The following SFMBT2 variants were observed in gnomAD, a reference collection of about 807,000 sequenced individuals.
SFMBT2 encodes Scm like with four mbt domains 2.
In SFMBT2, 38 loss-of-function variants were observed where a neutral mutation model predicts 110.1. That is an observed-to-expected ratio of 0.35 (90% CI 0.27 to 0.45). The LOEUF (loss-of-function observed/expected upper bound fraction) is 0.45. Among genes scored for constraint, SFMBT2 ranks in the 20% least tolerant of loss-of-function variants. The pLI is 1.00. For synonymous variants in SFMBT2, 425 were observed against 425.4 expected, an observed-to-expected ratio of 1.00 and a Z score of 0.01; for missense variants, 1,011 against 1,094.9, an observed-to-expected ratio of 0.92 and a Z score of 1.08.
intron 7 of SFMBT2, among the ~76,000 whole-genome samples, chr10:7,258,089 A>G (rs1841086777): frequency 6.6e-6 from 1 of 151,994 alleles, no homozygotes; most frequent in Non-Finnish European, 1.5e-5. Context: ...GCACCACCAT[A>G]CCTGGCTAAT....
At chr10:7,226,047 C>T (rs986546808) in intron 10 of SFMBT2, among the ~76,000 whole-genome samples, 6 of 152,184 alleles carry the variant, frequency 3.9e-5, no homozygotes, top group African/African-American at 1.4e-4. Context: ...ACACACCACT[C>T]GGTTCTTCAA....
Position 7,310,726 on chromosome 10 carries a change from T to A in SFMBT2, c.437-24772A>T, listed in dbSNP as rs115376830. Among the ~76,000 whole-genome samples the A allele has an allele frequency of 3.8e-3, 575 of 152,154 alleles. 2 individuals are homozygous for A. The highest frequency in any genetic ancestry group is 0.013 in the African/African-American group (544 of 41,530). On this transcript the variant is annotated intron_variant, in intron 4 of 20. Coordinates refer to ENST00000397167, the MANE Select transcript of SFMBT2 (RefSeq NM_001387889.1). ...AGCTCCATAGAGGAAACAGGCAGGTTTGAAAAAAAGGCTTCGTGTGCAAAA... is the reference window on the plus strand; with the variant it reads ...AGCTCCATAGAGGAAACAGGCAGGTATGAAAAAAAGGCTTCGTGTGCAAAA...
At chr10:7,325,925 T>TA (rs1405052481) in intron 4 of SFMBT2, among the ~76,000 whole-genome samples, 1 of 152,200 alleles carries the variant, frequency 6.6e-6, no homozygotes, top group Non-Finnish European at 1.5e-5. Flanking sequence ...ATAAATATGT[T>TA]AAAAATTAAA....
At chr10:7,184,913 T>C (rs1032291570) in intron 16 of SFMBT2, among the ~76,000 whole-genome samples, 17 of 152,286 alleles carry the variant, frequency 1.1e-4, no homozygotes, top group Non-Finnish European at 2.2e-4. Context: ...TCATCAGCAA[T>C]AGTGAGGTAC....
At chr10:7,375,491 A>C (rs971394452) in intron 2 of SFMBT2, among the ~76,000 whole-genome samples, 1 of 149,222 alleles carries the variant, frequency 6.7e-6, no homozygotes, top group Non-Finnish European at 1.5e-5. Context: ...AGACAGAAAG[A>C]AGACATTAAG....
Position 7,301,095 on chromosome 10 carries a change from A to G in SFMBT2, c.437-15141T>C, listed in dbSNP as rs114982095. ...AGGAGTAAACCCCAGATACCGTGGA[A>G]GCCCTGGCACCAGGGCCAGGATGCT... is the stretch of plus-strand genomic sequence containing the variant. On this transcript the variant is annotated intron_variant, in intron 4 of 20. Coordinates refer to ENST00000397167, the MANE Select transcript of SFMBT2 (RefSeq NM_001387889.1). This position sits in a 1 kb window ranked among gnomAD's most constrained non-coding sequence, Gnocchi z 4.2. Among the ~76,000 whole-genome samples, 421 of 152,336 alleles carry G rather than the reference A, an allele frequency of 2.8e-3. 3 individuals carry two copies. The highest frequency in any genetic ancestry group is 9.4e-3 in the African/African-American group (389 of 41,568).
In SFMBT2 at chr10:7,367,575, C is replaced by T; in HGVS notation, c.436+74G>A. On this transcript the variant is annotated intron_variant, in intron 4 of 20. Transcript: ENST00000397167. The surrounding 1 kb of genome is among the most constrained non-coding windows in gnomAD (Gnocchi z 6.2). The stretch of plus-strand genomic sequence containing the variant: ...TTAGGGATTCTACGCAAGGTTCTCT[C>T]TGCTCCTTGCAAAATTACAGGCGTC... 1 of 1,555,522 alleles carries T rather than the reference C, an allele frequency of 6.4e-7. No homozygotes were observed. Among genetic ancestry groups the T allele is most frequent in the Non-Finnish European group, 8.7e-7 (1 of 1,153,676 alleles).
chr10:7,231,201 C>T (rs1588365392), intron 9 of SFMBT2, among the ~76,000 whole-genome samples: 1 of 152,280 alleles, frequency 6.6e-6, no homozygotes, highest in South Asian at 2.1e-4. Flanking sequence ...ATCTCTGTAA[C>T]ACAATGATCC....
In SFMBT2 at chr10:7,381,945, A is replaced by C. The variant is rs747932294; in HGVS notation, c.-47T>G. Reference sequence around the variant, plus strand: ...TCTCTTAATTCATCCTGCAGAAAAAATTACCTAAGAGCAATCAAAAAAAAA... The same window carrying C: ...TCTCTTAATTCATCCTGCAGAAAAACTTACCTAAGAGCAATCAAAAAAAAA... On this transcript the variant is annotated 5_prime_UTR_variant, in exon 2 of 21. Coordinates refer to ENST00000397167, the MANE Select transcript of SFMBT2 (RefSeq NM_001387889.1). 2 of 1,518,724 alleles carry C rather than the reference A, an allele frequency of 1.3e-6. No individual in the cohort carries two copies. Among genetic ancestry groups the C allele is most frequent in the Non-Finnish European group, 1.8e-6 (2 of 1,124,794 alleles). The allele number at this position is 1,518,724 out of a possible 1,614,324, so 94.1% of individuals were successfully genotyped here.
At chr10:7,184,950 T>C (rs1351242791) in intron 16 of SFMBT2, among the ~76,000 whole-genome samples, 2 of 152,140 alleles carry the variant, frequency 1.3e-5, no homozygotes, top group Non-Finnish European at 2.9e-5. Context: ...AGAACAAAGC[T>C]TTCACTTCAT....
chr10:7,189,805 A>G (rs1374286945), intron 15 of SFMBT2, among the ~76,000 whole-genome samples: 1 of 152,224 alleles, frequency 6.6e-6, no homozygotes, highest in Non-Finnish European at 1.5e-5. Context: ...CCGTTGGGAG[A>G]GCAAGAGATA....
At chr10:7,291,438 T>C (rs1463683373) in intron 4 of SFMBT2, among the ~76,000 whole-genome samples, 2 of 152,222 alleles carry the variant, frequency 1.3e-5, no homozygotes, top group African/African-American at 4.8e-5. Flanking sequence ...GGTAGTTCCT[T>C]CCTTCTAAAA....
intron 13 of SFMBT2, among the ~76,000 whole-genome samples, chr10:7,201,428 C>T (rs1207329922): frequency 1.3e-5 from 2 of 152,130 alleles, no homozygotes; most frequent in African/African-American, 4.8e-5. Context: ...AGTTTGGATT[C>T]GGTCACAGGC....
At chr10:7,184,770 C>T (rs1043868619) in intron 16 of SFMBT2, among the ~76,000 whole-genome samples, 7 of 151,970 alleles carry the variant, frequency 4.6e-5, no homozygotes, top group African/African-American at 7.3e-5. Flanking sequence ...GAGCGGAGGA[C>T]GAGGTTCTGG....
intron 9 of SFMBT2, among the ~76,000 whole-genome samples, chr10:7,231,228 T>C (rs1473621764): frequency 6.6e-6 from 1 of 152,224 alleles, no homozygotes; most frequent in Non-Finnish European, 1.5e-5. Flanking sequence ...TCTGGGGTTT[T>C]GGAAGACGGA....
At chr10:7,273,934 T>C (rs1841684643) in intron 7 of SFMBT2, among the ~76,000 whole-genome samples, 2 of 152,214 alleles carry the variant, frequency 1.3e-5, no homozygotes, top group African/African-American at 2.4e-5. Flanking sequence ...ACTGGATATA[T>C]ACCCAAAGGA....
chr10:7,346,844 G>A (rs1296812531), intron 4 of SFMBT2, among the ~76,000 whole-genome samples: 1 of 151,550 alleles, frequency 6.6e-6, no homozygotes, highest in Admixed American at 6.6e-5. Context: ...AAATTGGCCG[G>A]GCATGGTGGC....
upstream of SFMBT2, chr10:7,411,375 T>C (rs1018275812): frequency 6.6e-6 from 1 of 152,174 alleles, no homozygotes; most frequent in African/African-American, 2.4e-5. Flanking sequence ...ATCGCGGGCG[T>C]TTCCGCACAC....
rs535158127 is a variant in SFMBT2 at position 7,172,602 on chromosome 10, C to A, written c.2044G>T (p.Asp682Tyr). ...CTGGCGGGTTTGGGGTGTCCGCTGT[C>A]GGGGTTGCTTTCCCCGATGGGGGGC... The part of the protein sequence containing the change: ...SKPPIGESNP[D>Y]SGHPKPARRR... The change falls in exon 18 of 21, where the codon GAC becomes TAC. Residue 682 changes from aspartate to tyrosine, a missense_variant. Asp to Tyr is a radical substitution (Grantham distance 160). This residue lies in a region of SFMBT2 where 979 missense variants were observed against 1,016.1 expected (regional missense o/e 0.96). Transcript: ENST00000397167. The surrounding 1 kb of genome is among the most constrained non-coding windows in gnomAD (Gnocchi z 4.6). 9.3e-6 allele frequency: 15 copies of A among 1,614,228 alleles called. No individual in the cohort carries two copies. Among genetic ancestry groups the A allele is most frequent in the South Asian group, 1.1e-5 (1 of 91,086 alleles).
Sources: allele counts gnomAD v4.1 joint callset (sites outside exome capture counted in the v4.1 genomes callset), GRCh38; gene constraint gnomAD v4.1.1; regional missense constraint gnomAD v4.1.1; non-coding constraint Gnocchi (gnomAD v3.1); transcripts MANE v1.5; gene names NCBI Gene and HGNC (gene_info 2026-07-23, HGNC 2026-07-21).